SHISA6: variants seen among roughly 807,000 people sequenced by gnomAD.
SHISA6 encodes the protein protein shisa-6.
Under a neutral mutation model 47.9 loss-of-function variants are expected in SHISA6, and 22 were observed. That is an observed-to-expected ratio of 0.46 (90% CI 0.33 to 0.66). SHISA6 has a LOEUF of 0.66. SHISA6 is among the 30% of genes least tolerant of loss of function. The probability of loss-of-function intolerance (pLI) is 0.02; values close to 1 mark genes in which losing one functional copy is unlikely to be tolerated. For synonymous variants in SHISA6, 388 were observed against 337.8 expected, an observed-to-expected ratio of 1.15 and a Z score of -1.63; for missense variants, 680 against 764.6, an observed-to-expected ratio of 0.89 and a Z score of 1.30.
At chr17:11,281,004 T>C (rs975441292) in intron 2 of SHISA6, among the ~76,000 whole-genome samples, 2 of 152,250 alleles carry the variant, frequency 1.3e-5, no homozygotes, top group South Asian at 4.1e-4. Flanking sequence ...ATACAATTGC[T>C]TTTTATATAA....
chr17:11,510,448 G>A (rs145477106), intron 3 of SHISA6, among the ~76,000 whole-genome samples: 356 of 152,272 alleles, frequency 2.3e-3, no homozygotes, highest in Admixed American at 3.0e-3. Flanking sequence ...TGCAGGAACA[G>A]CCACCCAATG....
intron 3 of SHISA6, among the ~76,000 whole-genome samples, chr17:11,404,335 T>C (rs780836913): frequency 4.6e-5 from 7 of 152,150 alleles, no homozygotes; most frequent in Non-Finnish European, 1.0e-4. Context: ...GAACTGGAAG[T>C]CCTTATCTGG....
At chr17:11,341,859 G>A (rs1040120652) in intron 2 of SHISA6, among the ~76,000 whole-genome samples, 14 of 152,176 alleles carry the variant, frequency 9.2e-5, no homozygotes, top group African/African-American at 3.4e-4. Flanking sequence ...TCAGGAGGAA[G>A]ACTGTATATT....
At chr17:11,474,375 C>A (rs778846418) in intron 3 of SHISA6, among the ~76,000 whole-genome samples, 9 of 144,712 alleles carry the variant, frequency 6.2e-5, no homozygotes, top group Non-Finnish European at 1.2e-4. Context: ...TGAGAAGTGT[C>A]TGTTCATATC....
At chr17:11,276,234 T>C (rs1462317269) in intron 2 of SHISA6, among the ~76,000 whole-genome samples, 1 of 151,992 alleles carries the variant, frequency 6.6e-6, no homozygotes, top group Non-Finnish European at 1.5e-5. Flanking sequence ...CGTCTCAGCC[T>C]CCTAAAATGC....
chr17:11,353,891 G>A (rs535958753), intron 2 of SHISA6, among the ~76,000 whole-genome samples: 5 of 152,100 alleles, frequency 3.3e-5, no homozygotes, highest in Admixed American at 6.6e-5. Context: ...AATTTCAGGC[G>A]AACTGTGAGG....
intron 3 of SHISA6, among the ~76,000 whole-genome samples, chr17:11,524,632 G>A (rs1004621092): frequency 2.0e-5 from 3 of 151,940 alleles, no homozygotes; most frequent in Non-Finnish European, 2.9e-5. Flanking sequence ...GAGGAGCTGG[G>A]ATTACAGGTG....
In SHISA6 at chr17:11,329,678, G is replaced by T. The variant is rs1442802908; in HGVS notation, c.800-49736G>T. Among the ~76,000 whole-genome samples, 29 of 152,210 alleles carry T rather than the reference G, an allele frequency of 1.9e-4. 1 individual carries two copies. The highest frequency in any genetic ancestry group is 1.8e-3 in the Admixed American group (28 of 15,286). ...TGGGCATTACAGCTTTCCTTATGTG[G>T]TTTTTTTAAAGAAGATCTGCAAGAA... On this transcript the variant is annotated intron_variant, in intron 2 of 5. Coordinates refer to ENST00000441885, the MANE Select transcript of SHISA6 (RefSeq NM_207386.4).
intron 2 of SHISA6, among the ~76,000 whole-genome samples, chr17:11,287,482 T>A (rs944069739): frequency 4.0e-5 from 6 of 151,322 alleles, no homozygotes; most frequent in Middle Eastern, 3.4e-3. Context: ...ACCCGGGAGT[T>A]GGAGACCATC....
At chr17:11,528,163 T>A (rs2071702174) in intron 3 of SHISA6, among the ~76,000 whole-genome samples, 2 of 152,196 alleles carry the variant, frequency 1.3e-5, no homozygotes, top group Non-Finnish European at 2.9e-5. Context: ...ACTAAGCAGT[T>A]GTATCCATTG....
chr17:11,277,280 T>TCTCTCTCTCACACACACA (rs1386997909), intron 2 of SHISA6, among the ~76,000 whole-genome samples: 539 of 53,686 alleles, frequency 0.01, 5 homozygotes, highest in Middle Eastern at 0.015. Flanking sequence ...TCTCTCTCTC[T>TCTCTCTCTCACACACACA]CACACACACA....
At chr17:11,293,816 T>C (rs981899618) in intron 2 of SHISA6, among the ~76,000 whole-genome samples, 4 of 152,184 alleles carry the variant, frequency 2.6e-5, no homozygotes, top group African/African-American at 9.7e-5. Flanking sequence ...TGGTTGCAAG[T>C]CCTGGCACAC....
In SHISA6 at chr17:11,309,695, G is replaced by T. The variant is rs76456268; in HGVS notation, c.799+46169G>T. ...AGCTCTTTATTAAATCAAGTGAATA[G>T]ATGTTCCCTATGCAAGCATTTGCTT... On this transcript the variant is annotated intron_variant, in intron 2 of 5. Coordinates refer to ENST00000441885, the MANE Select transcript of SHISA6 (RefSeq NM_207386.4). 5.1e-4 allele frequency among the ~76,000 whole-genome samples: 77 copies of T among 152,338 alleles called. 1 individual carries two copies. The East Asian group carries it at 0.014, about 27-fold the overall frequency.
intron 2 of SHISA6, among the ~76,000 whole-genome samples, chr17:11,303,268 AGTAT>A (rs1909989968): frequency 6.9e-6 from 1 of 144,256 alleles, no homozygotes; most frequent in Non-Finnish European, 1.5e-5. Flanking sequence ...TGTGGTTGTG[AGTAT>A]GTGTGTGGTT....
chr17:11,280,924 C>T (rs957060010), intron 2 of SHISA6, among the ~76,000 whole-genome samples: 4 of 152,168 alleles, frequency 2.6e-5, no homozygotes, highest in Non-Finnish European at 4.4e-5. Flanking sequence ...TGTTTACATT[C>T]GCATTCATAA....
At position 11,491,770 on chromosome 17, in the gene SHISA6, G is replaced by GTT. The variant is rs1297841489; in HGVS notation, c.896-60108_896-60107dup. 6.4e-3 allele frequency among the ~76,000 whole-genome samples: 870 copies of GTT among 135,234 alleles called. 19 individuals carry two copies. The highest frequency in any genetic ancestry group is 0.023 in the African/African-American group (790 of 34,492). The allele number at this position is 135,234 out of a possible 152,430, so 88.7% of individuals were successfully genotyped here. ...GTACTGAAAGGGAAGCTGGTGAAGT[G>GTT]TTTTTTTTTTTTTTTTTTTGAGACA... On this transcript the variant is annotated intron_variant, in intron 3 of 5. Transcript: ENST00000441885.
At chr17:11,441,180 C>T (rs1035288525) in intron 3 of SHISA6, among the ~76,000 whole-genome samples, 8 of 152,294 alleles carry the variant, frequency 5.3e-5, no homozygotes, top group African/African-American at 1.7e-4. Flanking sequence ...AGGCTAAAGG[C>T]GTAGACTGGG....
At chr17:11,500,722 G>A (rs1257881839) in intron 3 of SHISA6, among the ~76,000 whole-genome samples, 1 of 152,182 alleles carries the variant, frequency 6.6e-6, no homozygotes, top group African/African-American at 2.4e-5. Flanking sequence ...CATTTTCTGA[G>A]TTGCATCAGC....
chr17:11,418,705 C>T (rs193229072), intron 3 of SHISA6, among the ~76,000 whole-genome samples: 7 of 152,288 alleles, frequency 4.6e-5, no homozygotes, highest in Admixed American at 6.5e-5. Flanking sequence ...TAAGACTGTC[C>T]GTCATTTGGT....
Sources: allele counts gnomAD v4.1 joint callset (sites outside exome capture counted in the v4.1 genomes callset), GRCh38; gene constraint gnomAD v4.1.1; transcripts MANE v1.5; gene names NCBI Gene and HGNC (gene_info 2026-07-23, HGNC 2026-07-21).